ADORA2B: variants seen among roughly 807,000 people sequenced by gnomAD.
ADORA2B encodes the protein adenosine A2b receptor.
ADORA2B carries 18 observed loss-of-function variants against 20.8 expected under a neutral mutation model. That is an observed-to-expected ratio of 0.87 (90% CI 0.60 to 1.29). ADORA2B has a LOEUF of 1.29. Ranked by LOEUF, ADORA2B falls within the 50% of genes most tolerant of loss-of-function variation. The pLI is 0.00. For missense variants in ADORA2B, 441 were observed against 422.7 expected (o/e 1.04, Z -0.38); for synonymous variants, 179 against 178.3 (o/e 1.00, Z -0.03).
At chr17:15,868,210 A>C in the ADORA2B span, among the ~76,000 whole-genome samples, 1 of 137,440 alleles carries the variant, frequency 7.3e-6, no homozygotes, top group Non-Finnish European at 1.6e-5. Flanking sequence ...CCCTAATCTC[A>C]AGCACCCAGG....
chr17:15,861,020 A>G, the ADORA2B span: 3 of 152,226 alleles, frequency 2.0e-5, no homozygotes, highest in Non-Finnish European at 4.4e-5. Context: ...CATGTCTCAA[A>G]CAGTAAGAAA....
the ADORA2B span, among the ~76,000 whole-genome samples, chr17:15,885,575 A>C: frequency 6.6e-6 from 1 of 152,120 alleles, no homozygotes; most frequent in African/African-American, 2.4e-5. Context: ...TTAGCCATGC[A>C]TGGTGGCATG....
chr17:15,945,041 C>A, upstream of ADORA2B: 1 of 336,776 alleles, frequency 3.0e-6, no homozygotes, highest in Non-Finnish European at 5.2e-6. Flanking sequence ...CCGAGACGGG[C>A]GGGCGCGCGG....
At chr17:15,882,650 A>G in the ADORA2B span, among the ~76,000 whole-genome samples, 5 of 152,302 alleles carry the variant, frequency 3.3e-5, no homozygotes, top group Admixed American at 2.0e-4. Flanking sequence ...TGAAGGAAGT[A>G]TCTATATCAA....
At chr17:15,869,983 T>C in the ADORA2B span, among the ~76,000 whole-genome samples, 1 of 152,002 alleles carries the variant, frequency 6.6e-6, no homozygotes, top group African/African-American at 2.4e-5. Context: ...ATGTGAGTGA[T>C]ACTGTTAAAC....
At chr17:15,934,391 A>G in the ADORA2B span, among the ~76,000 whole-genome samples, 1 of 152,010 alleles carries the variant, frequency 6.6e-6, no homozygotes. Flanking sequence ...ATGCCTGGCT[A>G]ATTTTTGTAT....
chr17:15,870,052 A>G, the ADORA2B span, among the ~76,000 whole-genome samples: 96 of 150,664 alleles, frequency 6.4e-4, 2 homozygotes, highest in East Asian at 0.018. Context: ...GTTTTTGTAA[A>G]TAAGTTTCGT....
At chr17:15,944,088 A>C (rs778470225), upstream of ADORA2B, among the ~76,000 whole-genome samples, 33 of 152,160 alleles carry the variant, frequency 2.2e-4, no homozygotes, top group Non-Finnish European at 4.6e-4. This position sits in a 1 kb window ranked among gnomAD's most constrained non-coding sequence, Gnocchi z 4.8. Flanking sequence ...AGCACTGCTG[A>C]TCATTGGGAC....
chr17:15,968,822 C>A (rs1162895156), intron 1 of ADORA2B, among the ~76,000 whole-genome samples: 1 of 152,124 alleles, frequency 6.6e-6, no homozygotes, highest in Admixed American at 6.5e-5. Context: ...GGTCCACAGC[C>A]CAGAGCTGCC....
At chr17:15,862,757 G>A in the ADORA2B span, among the ~76,000 whole-genome samples, 4 of 150,780 alleles carry the variant, frequency 2.7e-5, no homozygotes, top group South Asian at 6.3e-4. Context: ...CAATATGAAC[G>A]TATTGTTTAT....
the ADORA2B span, among the ~76,000 whole-genome samples, chr17:15,909,853 A>T: frequency 6.6e-6 from 1 of 152,186 alleles, no homozygotes; most frequent in Non-Finnish European, 1.5e-5. Flanking sequence ...TTGTTAATTA[A>T]CAAAAAGGAA....
chr17:15,888,891 C>G, the ADORA2B span, among the ~76,000 whole-genome samples: 1 of 57,152 alleles, frequency 1.7e-5, no homozygotes, highest in Non-Finnish European at 2.9e-5. Flanking sequence ...GAGACAGAGT[C>G]TCACTTTGTT....
At chr17:15,916,649 C>A in the ADORA2B span, among the ~76,000 whole-genome samples, 2 of 152,212 alleles carry the variant, frequency 1.3e-5, no homozygotes, top group African/African-American at 4.8e-5. Context: ...CCAATTACAT[C>A]AGGGGTCAAT....
the ADORA2B span, among the ~76,000 whole-genome samples, chr17:15,933,989 T>A: frequency 5.3e-5 from 8 of 152,084 alleles, no homozygotes; most frequent in African/African-American, 1.9e-4. Context: ...TAGCTTTGAG[T>A]TTTTCATAGA....
the ADORA2B span, among the ~76,000 whole-genome samples, chr17:15,870,870 A>G: frequency 6.6e-6 from 1 of 152,200 alleles, no homozygotes; most frequent in East Asian, 1.9e-4. Flanking sequence ...CGTTGTGAAG[A>G]TAGAGCCCCA....
At chr17:15,858,309 G>A in the ADORA2B span, among the ~76,000 whole-genome samples, 8 of 151,938 alleles carry the variant, frequency 5.3e-5, no homozygotes, top group African/African-American at 1.5e-4. Context: ...GGTGTGAGGT[G>A]GCATGTCACT....
intron 1 of ADORA2B, among the ~76,000 whole-genome samples, chr17:15,955,568 G>A (rs893847477): frequency 1.3e-5 from 2 of 151,676 alleles, no homozygotes; most frequent in African/African-American, 2.4e-5. Context: ...CACCAAGTCC[G>A]GCTGTATTTT....
At chr17:15,879,278 T>A in the ADORA2B span, among the ~76,000 whole-genome samples, 1 of 151,926 alleles carries the variant, frequency 6.6e-6, no homozygotes, top group African/African-American at 2.4e-5. Context: ...TAGCAAGACC[T>A]CCTCTTACAA....
chr17:15,954,957 G>T (rs985669290), intron 1 of ADORA2B, among the ~76,000 whole-genome samples: 7 of 151,814 alleles, frequency 4.6e-5, no homozygotes, highest in African/African-American at 1.7e-4. Flanking sequence ...TTTTTCCTTG[G>T]TGTTCTGAAA....
Sources: gnomAD v4.1 joint callset for allele counts (sites outside exome capture counted in the v4.1 genomes callset) on GRCh38, gnomAD v4.1.1 for gene constraint, Gnocchi (gnomAD v3.1) non-coding constraint, MANE v1.5 for transcripts, NCBI Gene and HGNC (gene_info 2026-07-23, HGNC 2026-07-21) for gene names.